Variants in DDX10 observed in about 807,000 individuals in gnomAD.
The protein encoded by DDX10 is DEAD-box helicase 10, also known as probable ATP-dependent RNA helicase DDX10.
DDX10 carries 74 observed loss-of-function variants against 104.3 expected under a neutral mutation model. The observed-to-expected ratio is 0.71, with a 90% CI of 0.59 to 0.86. The LOEUF (loss-of-function observed/expected upper bound fraction) is 0.86, where lower values mean the gene tolerates loss of function less well. Among genes scored for constraint, DDX10 ranks in the 40% least tolerant of loss-of-function variants. DDX10 has a pLI of 0.00. For synonymous variants in DDX10, 351 were observed against 353.4 expected (o/e 0.99, Z 0.08); for missense variants, 952 against 1,040.0 (o/e 0.92, Z 1.16).
intron 9 of DDX10, among the ~76,000 whole-genome samples, chr11:108,698,582 G>A (rs2094263087): frequency 6.6e-6 from 1 of 152,156 alleles, no homozygotes; most frequent in Non-Finnish European, 1.5e-5. Flanking sequence ...ATATTTCTTA[G>A]GAGTCTATTT....
chr11:108,707,533 T>A (rs1488024250), intron 10 of DDX10, among the ~76,000 whole-genome samples: 2 of 152,118 alleles, frequency 1.3e-5, no homozygotes, highest in Non-Finnish European at 2.9e-5. Context: ...TTTTTGTTAG[T>A]TTTGTTTTGA....
chr11:108,846,881 A>G (rs1011569288), intron 15 of DDX10, among the ~76,000 whole-genome samples: 6 of 151,370 alleles, frequency 4.0e-5, no homozygotes, highest in African/African-American at 1.5e-4. Flanking sequence ...CACTGGGAGT[A>G]GAACTCAAGC....
At chr11:108,926,554 CT>C (rs757751427) in intron 17 of DDX10, among the ~76,000 whole-genome samples, 36 of 152,300 alleles carry the variant, frequency 2.4e-4, no homozygotes, top group Non-Finnish European at 4.6e-4. Context: ...GCCCATCAAT[CT>C]TTTCTTAGAT....
chr11:108,871,841 T>TC (rs1469057771), intron 16 of DDX10, among the ~76,000 whole-genome samples: 1 of 151,932 alleles, frequency 6.6e-6, no homozygotes, highest in Non-Finnish European at 1.5e-5. Flanking sequence ...GGCAGGAGAA[T>TC]CGCTTGAACC....
In DDX10 at chr11:108,745,171, TCCCTC is replaced by T. The variant is rs368639436; in HGVS notation, c.1965+21724_1965+21728del. Among the ~76,000 whole-genome samples, 23 of 89,046 alleles carry T rather than the reference TCCCTC, an allele frequency of 2.6e-4. 2 individuals are homozygous for T. In the East Asian group the frequency reaches 5.6e-3, roughly 22 times the overall value. 58.4% of individuals were successfully genotyped at this position (89,046 alleles called of 152,430 possible). ...CACTCACTCCCCTTTCTTCCCTTCC[TCCCTC>T]CCCTCCCCTCCCCTTCCTTCCCTTT... On this transcript the variant is annotated intron_variant, in intron 13 of 17. Coordinates refer to ENST00000322536, the MANE Select transcript of DDX10 (RefSeq NM_004398.4).
At chr11:108,933,344 G>A (rs1034006404) in intron 17 of DDX10, among the ~76,000 whole-genome samples, 3 of 150,242 alleles carry the variant, frequency 2.0e-5, no homozygotes, top group East Asian at 1.9e-4. Flanking sequence ...ACTGGACTAA[G>A]TGGGCAGACC....
chr11:108,838,629 TCTTA>T (rs1862594307), intron 14 of DDX10, 64 bp downstream of exon 14: 4 of 1,517,622 alleles, frequency 2.6e-6, no homozygotes, highest in Non-Finnish European at 1.8e-6. Context: ...ATCGACTCTC[TCTTA>T]CTTAGCACTC....
At chr11:108,872,262 AATTAATTTTCC>A (rs1863092782) in intron 16 of DDX10, among the ~76,000 whole-genome samples, 1 of 152,222 alleles carries the variant, frequency 6.6e-6, no homozygotes, top group African/African-American at 2.4e-5. Context: ...AATTTTACAT[AATTAATTTTCC>A]ATTAAGTCGT....
chr11:108,726,398 G>A (rs939982543), intron 13 of DDX10, among the ~76,000 whole-genome samples: 2 of 151,930 alleles, frequency 1.3e-5, no homozygotes, highest in Admixed American at 1.3e-4. Context: ...ATAACTTTAA[G>A]CACATGTAAT....
Position 108,690,580 on chromosome 11 carries a change from C to A in DDX10, c.976-1296C>A, listed in dbSNP as rs574906689. ...GCTCCTCAAATGGCAGTGGCTACCT[C>A]CTTGGAGCACCTGATACCCGTATCA... is the stretch of plus-strand genomic sequence containing the variant. On this transcript the variant is annotated intron_variant, in intron 7 of 17. Coordinates refer to ENST00000322536, the MANE Select transcript of DDX10 (RefSeq NM_004398.4). 5.8e-5 allele frequency: 9 copies of A among 155,708 alleles called. No homozygotes were observed. The South Asian group carries it at 1.5e-3, about 27-fold the overall frequency. The allele number at this position is 155,708 out of a possible 1,614,324, so 9.6% of individuals were successfully genotyped here. A position where few individuals can be genotyped will look rare whatever the true frequency, so the allele number is the denominator to read the frequency against.
rs191009265 is a variant in DDX10 at position 108,723,182 on chromosome 11, G to A, written c.1685G>A (p.Gly562Asp). The change falls in exon 13 of 18, where the codon GGT becomes GAT. Residue 562 changes from glycine to aspartate, a missense_variant. Gly to Asp is a moderately conservative substitution (Grantham distance 94). Coordinates refer to ENST00000322536, the MANE Select transcript of DDX10 (RefSeq NM_004398.4). ...FNEKMSILQK[G>D]GKRLEGTEHR... is the part of the protein sequence containing the mutation. The stretch of plus-strand genomic sequence containing the variant: ...GAGAAAATGTCCATCCTTCAAAAAG[G>A]TGGAAAAAGACTCGAAGGGACAGAG... 8.1e-6 allele frequency: 13 copies of A among 1,613,800 alleles called. No individual in the cohort carries two copies. In the Admixed American group the frequency reaches 2.0e-4, roughly 25 times the overall value.
chr11:108,775,315 G>T (rs1289171079), intron 13 of DDX10, among the ~76,000 whole-genome samples: 1 of 152,170 alleles, frequency 6.6e-6, no homozygotes, highest in Non-Finnish European at 1.5e-5. Context: ...TTGACAGAAA[G>T]ATCTATGAAG....
chr11:108,819,575 C>A (rs1862298599), intron 13 of DDX10, among the ~76,000 whole-genome samples: 1 of 151,994 alleles, frequency 6.6e-6, no homozygotes, highest in Non-Finnish European at 1.5e-5. Flanking sequence ...AGGGTTTGTT[C>A]AAGTAGAAAC....
chr11:108,695,536 C>G (rs950047056), intron 9 of DDX10, among the ~76,000 whole-genome samples: 5 of 152,168 alleles, frequency 3.3e-5, no homozygotes, highest in African/African-American at 1.2e-4. Flanking sequence ...CTATCCCTTG[C>G]TTACCTAGGA....
intron 13 of DDX10, among the ~76,000 whole-genome samples, chr11:108,820,890 C>T (rs1862318132): frequency 6.6e-6 from 1 of 152,160 alleles, no homozygotes; most frequent in Non-Finnish European, 1.5e-5. Flanking sequence ...ATGTTTATTT[C>T]TATGCTATTT....
chr11:108,706,992 A>C (rs1441192308), intron 10 of DDX10, among the ~76,000 whole-genome samples, 155 bp downstream of exon 10: 2 of 152,178 alleles, frequency 1.3e-5, no homozygotes, highest in African/African-American at 4.8e-5. Flanking sequence ...TTTTAGGTTC[A>C]CAGGAAAATT....
In DDX10 at chr11:108,854,374, G is replaced by T. The variant is rs145407233; in HGVS notation, c.2304+2165G>T. Among the ~76,000 whole-genome samples, 376 of 152,340 alleles carry T rather than the reference G, an allele frequency of 2.5e-3. 3 individuals are homozygous for T. Among genetic ancestry groups the T allele is most frequent in the African/African-American group, 8.5e-3 (352 of 41,586 alleles). On this transcript the variant is annotated intron_variant, in intron 16 of 17. Coordinates refer to ENST00000322536, the MANE Select transcript of DDX10 (RefSeq NM_004398.4). The stretch of plus-strand genomic sequence containing the variant: ...TGCTTTAAATGACAGATGTGACTTA[G>T]TTTTTGAGTAAACTTTGTCTTCTCG...
intron 16 of DDX10, among the ~76,000 whole-genome samples, chr11:108,880,972 A>G (rs1863220313): frequency 6.6e-6 from 1 of 152,166 alleles, no homozygotes; most frequent in Non-Finnish European, 1.5e-5. Flanking sequence ...TTATTTTTAT[A>G]AGTACCACAT....
intron 13 of DDX10, among the ~76,000 whole-genome samples, chr11:108,758,966 G>C (rs920499693): frequency 1.3e-4 from 19 of 151,566 alleles, no homozygotes; most frequent in East Asian, 3.9e-4. Context: ...TCATAATTGT[G>C]CCTCTAAGCT....
Sources: allele counts gnomAD v4.1 joint callset (sites outside exome capture counted in the v4.1 genomes callset), GRCh38; gene constraint gnomAD v4.1.1; transcripts MANE v1.5; gene names NCBI Gene and HGNC (gene_info 2026-07-23, HGNC 2026-07-21).